The following HDAC8 variants were observed in gnomAD, a reference collection of about 807,000 sequenced individuals.
HDAC8 encodes the protein histone deacetylase 8.
Under a neutral mutation model 32.2 loss-of-function variants are expected in HDAC8, and 1 was observed. The observed-to-expected ratio is 0.03, with a 90% CI of 0.01 to 0.15. The LOEUF is 0.15. HDAC8 is among the 10% of genes least tolerant of loss of function. HDAC8 has a pLI of 1.00. For synonymous variants in HDAC8, 108 were observed against 113.9 expected, an observed-to-expected ratio of 0.95 and a Z score of 0.33; for missense variants, 117 against 300.0, an observed-to-expected ratio of 0.39 and a Z score of 4.51.
chrX:72,376,081 CT>C (rs1290689275), intron 9 of HDAC8, among the ~76,000 whole-genome samples: 108 of 105,427 alleles, frequency 1.0e-3, no homozygotes, highest in African/African-American at 2.6e-3. Context: ...CCTTTATGCT[CT>C]TTTTTTTTTT....
At chrX:72,493,292 G>A (rs781826426) in intron 5 of HDAC8, among the ~76,000 whole-genome samples, 1 of 111,573 alleles carries the variant, frequency 9.0e-6, no homozygotes, top group Admixed American at 9.5e-5. Context: ...GAAAGATGAG[G>A]TGAGACCTAT....
intron 9 of HDAC8, among the ~76,000 whole-genome samples, chrX:72,448,943 A>G (rs1035874968): frequency 1.8e-5 from 2 of 112,152 alleles, no homozygotes; most frequent in Non-Finnish European, 3.8e-5. Flanking sequence ...GCTGGAGAGG[A>G]TGTGGAGAAA....
intron 9 of HDAC8, among the ~76,000 whole-genome samples, chrX:72,437,211 T>C (rs2147965321): frequency 9.0e-6 from 1 of 111,432 alleles, no homozygotes; most frequent in Admixed American, 9.5e-5. Context: ...GGGTGGGGTG[T>C]TGCCTCACCT....
intron 4 of HDAC8, among the ~76,000 whole-genome samples, chrX:72,545,615 G>T (rs1371382020): frequency 1.8e-5 from 2 of 111,904 alleles, no homozygotes; most frequent in Admixed American, 1.9e-4. Flanking sequence ...GCTAGTGGTA[G>T]GGATGCCATA....
chrX:72,387,553 C>G (rs781933486), intron 9 of HDAC8, among the ~76,000 whole-genome samples: 16 of 111,575 alleles, frequency 1.4e-4, no homozygotes, highest in Non-Finnish European at 2.3e-4. Flanking sequence ...AGCTCAGACT[C>G]CAGAGCCACC....
intron 4 of HDAC8, among the ~76,000 whole-genome samples, chrX:72,511,044 A>G (rs1556021676): frequency 8.9e-6 from 1 of 111,747 alleles, no homozygotes; most frequent in East Asian, 2.8e-4. Context: ...ATCTTATTCA[A>G]TAGAAGTCAG....
intron 9 of HDAC8, among the ~76,000 whole-genome samples, chrX:72,417,408 C>A (rs1390233126): frequency 9.0e-6 from 1 of 111,678 alleles, no homozygotes; most frequent in East Asian, 2.8e-4. Context: ...AAATCAGCAG[C>A]AATTCTAGAC....
chrX:72,453,524 A>AAAGAAAGAAAGAAAG (rs782366543), intron 9 of HDAC8, among the ~76,000 whole-genome samples: 9 of 99,732 alleles, frequency 9.0e-5, no homozygotes, highest in African/African-American at 2.9e-4. Flanking sequence ...AAGAAAGAAA[A>AAAGAAAGAAAGAAAG]AGAAAGAAAA....
chrX:72,532,182 T>C (rs1368523045), intron 4 of HDAC8, among the ~76,000 whole-genome samples: 1 of 109,530 alleles, frequency 9.1e-6, no homozygotes, highest in African/African-American at 3.3e-5. Flanking sequence ...ACTCCTGGGC[T>C]CAAGCTATCT....
intron 9 of HDAC8, among the ~76,000 whole-genome samples, chrX:72,367,871 AGG>A (rs2044746796): frequency 8.9e-6 from 1 of 112,958 alleles, no homozygotes; most frequent in Admixed American, 9.3e-5. Context: ...AGGGAGAAAA[AGG>A]CTTCCTTTTG....
chrX:72,365,765 C>T (rs781919123), intron 9 of HDAC8, among the ~76,000 whole-genome samples: 7 of 111,778 alleles, frequency 6.3e-5, no homozygotes, highest in South Asian at 3.7e-4. Context: ...TGATGGACCA[C>T]GATAGAATGA....
At chrX:72,541,617 T>C (rs1386423787) in intron 4 of HDAC8, among the ~76,000 whole-genome samples, 4 of 111,962 alleles carry the variant, frequency 3.6e-5, no homozygotes, top group Non-Finnish European at 7.5e-5. Context: ...GCTGTTGCAA[T>C]AATCAGTGAG....
At chrX:72,457,916 C>T (rs2047762999) in intron 9 of HDAC8, among the ~76,000 whole-genome samples, 1 of 110,770 alleles carries the variant, frequency 9.0e-6, no homozygotes, top group African/African-American at 3.3e-5. Context: ...ACAGTTTAAT[C>T]AGTCCATAAA....
chrX:72,479,270 G>A (rs1471816893), intron 7 of HDAC8, among the ~76,000 whole-genome samples: 2 of 111,769 alleles, frequency 1.8e-5, no homozygotes, highest in African/African-American at 6.5e-5. Context: ...AAAGAATGTG[G>A]GAGAGAGAGG....
At chrX:72,494,689 A>G (rs2048969304) in intron 5 of HDAC8, among the ~76,000 whole-genome samples, 1 of 112,012 alleles carries the variant, frequency 8.9e-6, no homozygotes, top group African/African-American at 3.3e-5. Context: ...TATTTTAGCA[A>G]TACAAAGAAA....
chrX:72,422,082 TTC>T (rs2046507112), intron 9 of HDAC8, among the ~76,000 whole-genome samples: 1 of 111,829 alleles, frequency 8.9e-6, no homozygotes, highest in African/African-American at 3.2e-5. Flanking sequence ...GCTTTCAAGA[TTC>T]TCTCTTTGTC....
chrX:72,342,678 C>T (rs1291277378), intron 10 of HDAC8, among the ~76,000 whole-genome samples: 1 of 111,893 alleles, frequency 8.9e-6, no homozygotes, highest in Non-Finnish European at 1.9e-5. Flanking sequence ...ATATTAGAGG[C>T]CTCCAACTAC....
At chrX:72,342,351 G>C (rs939472911) in intron 10 of HDAC8, among the ~76,000 whole-genome samples, 11 of 112,392 alleles carry the variant, frequency 9.8e-5, no homozygotes, top group African/African-American at 3.6e-4. Context: ...TGCAGCAGCT[G>C]CCCCTCAGTG....
chrX:72,503,248 A>C (rs2049283179), intron 4 of HDAC8, among the ~76,000 whole-genome samples: 1 of 112,175 alleles, frequency 8.9e-6, no homozygotes, highest in African/African-American at 3.2e-5. Context: ...GAACTATGCC[A>C]GGTACTTTTG....
Sources: allele counts gnomAD v4.1 joint callset (sites outside exome capture counted in the v4.1 genomes callset), GRCh38; gene constraint gnomAD v4.1.1; transcripts MANE v1.5; gene names NCBI Gene and HGNC (gene_info 2026-07-23, HGNC 2026-07-21).